The following CCDC97 variants were observed in gnomAD, a reference collection of about 807,000 sequenced individuals.
CCDC97 encodes the protein coiled-coil domain-containing protein 97.
Under a neutral mutation model 33.9 loss-of-function variants are expected in CCDC97, and 27 were observed. The observed-to-expected ratio is 0.80, with a 90% confidence interval of 0.59 to 1.10. CCDC97 has a LOEUF of 1.10. CCDC97 is among the 50% of genes least tolerant of loss of function. The pLI is 0.00. For missense variants in CCDC97, 422 were observed against 476.6 expected (o/e 0.89, Z 1.07); for synonymous variants, 217 against 194.0 (o/e 1.12, Z -0.99).
At chr19:41,320,211 T>G in intron 3 of CCDC97, 130 bp from the exon 4 acceptor site, 2 of 1,202,042 alleles carry the variant, frequency 1.7e-6, no homozygotes, top group Non-Finnish European at 2.4e-6. Context: ...GGGCCATCTC[T>G]GTCACTAGTG....
Position 41,316,743 on chromosome 19 carries a change from T to C in CCDC97, c.406T>C (p.Cys136Arg). 1 of 1,613,506 alleles carries C rather than the reference T, an allele frequency of 6.2e-7. No homozygotes were observed. The highest frequency in any genetic ancestry group is 8.5e-7 in the Non-Finnish European group (1 of 1,179,684). The change falls in exon 2 of 5, where the codon TGT (cysteine) becomes CGT (arginine). Residue 136 changes from cysteine (C) to arginine (R), a missense_variant. Physicochemically the swap from Cys to Arg is radical, Grantham distance 180 (BLOSUM62 -3). Coordinates refer to ENST00000269967, the MANE Select transcript of CCDC97 (RefSeq NM_052848.3). ...TGGCGACCACCGTGCAGACTTCTAC[T>C]GTGCTGAGGTGGCCCGGCAGGGCAC... The part of the protein sequence containing the change: ...VRGDHRADFY[C>R]AEVARQGTAR...
intron 2 of CCDC97, among the ~76,000 whole-genome samples, chr19:41,317,497 T>C (rs567832637): frequency 1.1e-3 from 159 of 149,882 alleles, no homozygotes; most frequent in African/African-American, 3.7e-3. Flanking sequence ...TCAAGGTGGG[T>C]AGATTACTTG....
chr19:41,313,134 G>A (rs1410082395), intron 1 of CCDC97, among the ~76,000 whole-genome samples: 3 of 152,032 alleles, frequency 2.0e-5, no homozygotes, highest in Non-Finnish European at 4.4e-5. Flanking sequence ...CTTTTGCACA[G>A]CCAGTTTTTA....
intron 4 of CCDC97, chr19:41,320,700 G>C (rs1007557063): frequency 3.8e-6 from 2 of 520,748 alleles, no homozygotes; most frequent in African/African-American, 3.9e-5. Context: ...GGGATGGACA[G>C]GGATGACATA....
intron 3 of CCDC97, 74 bp from the exon 4 acceptor site, chr19:41,320,267 C>A: frequency 6.3e-7 from 1 of 1,577,518 alleles, no homozygotes; most frequent in South Asian, 1.1e-5. Flanking sequence ...GGAGCAGCAG[C>A]TCTCTGTGGA....
At chr19:41,313,872 G>A (rs1453670203) in intron 1 of CCDC97, among the ~76,000 whole-genome samples, 1 of 152,026 alleles carries the variant, frequency 6.6e-6, no homozygotes, top group African/African-American at 2.4e-5. Flanking sequence ...GCTGATTTTT[G>A]TATTTTTAAT....
chr19:41,313,533 A>G (rs1409170455), intron 1 of CCDC97, among the ~76,000 whole-genome samples: 2 of 152,104 alleles, frequency 1.3e-5, no homozygotes, highest in African/African-American at 4.8e-5. Context: ...CCTGATACAC[A>G]CAACACATGT....
chr19:41,311,751 T>G (rs540696963), intron 1 of CCDC97, among the ~76,000 whole-genome samples: 2 of 151,486 alleles, frequency 1.3e-5, no homozygotes, highest in African/African-American at 4.8e-5. Flanking sequence ...AAAAAAAAAT[T>G]AGCCAGGTTT....
In CCDC97 at chr19:41,320,357, G is replaced by A; in HGVS notation, c.798G>A (p.Lys266=). 1.9e-6 allele frequency: 3 copies of A among 1,614,092 alleles called. No homozygotes were observed. Among genetic ancestry groups the A allele is most frequent in the South Asian group, 1.1e-5 (1 of 91,076 alleles). Reference sequence around the variant, plus strand: ...CCTCTGCAGACCAGAGGTCAGGCAAGGACTCGGAGGCCTGGGTTCCCGACT... The same window carrying A: ...CCTCTGCAGACCAGAGGTCAGGCAAAGACTCGGAGGCCTGGGTTCCCGACT... The part of the protein sequence containing the change: ...DSDEEDQRSG[K]DSEAWVPDSE... The change falls in exon 4 of 5, where the codon AAG becomes AAA. Residue 266 remains lysine, a synonymous_variant. Coordinates refer to ENST00000269967, the MANE Select transcript of CCDC97 (RefSeq NM_052848.3).
intron 1 of CCDC97, among the ~76,000 whole-genome samples, chr19:41,311,546 A>G (rs1325367737): frequency 6.6e-6 from 1 of 152,124 alleles, no homozygotes; most frequent in African/African-American, 2.4e-5. Flanking sequence ...CAGCCTAGCC[A>G]ACATAGCGAA....
rs141518052 is a variant in CCDC97 at position 41,316,982 on chromosome 19, A to G, written c.502+143A>G. On this transcript the variant is annotated intron_variant, in intron 2 of 4. Coordinates refer to ENST00000269967, the MANE Select transcript of CCDC97 (RefSeq NM_052848.3). ...GAGACAGAGACAGGGACACAGGAAG[A>G]GACTGAGACAGAAATGTAAAGTAAG... The G allele has an allele frequency of 2.6e-3, 1,736 of 658,972 alleles. 7 individuals carry two copies. The highest frequency in any genetic ancestry group is 3.9e-3 in the Non-Finnish European group (1,536 of 391,456). 40.8% of individuals were successfully genotyped at this position (658,972 alleles called of 1,614,324 possible).
chr19:41,313,920 G>A (rs887756449), intron 1 of CCDC97, among the ~76,000 whole-genome samples: 6 of 152,078 alleles, frequency 3.9e-5, no homozygotes, highest in African/African-American at 1.4e-4. Flanking sequence ...GGCTGGTCTT[G>A]AATTTGTGGC....
At chr19:41,313,138 G>GT (rs2037706456) in intron 1 of CCDC97, among the ~76,000 whole-genome samples, 2 of 152,060 alleles carry the variant, frequency 1.3e-5, no homozygotes, top group South Asian at 4.2e-4. Flanking sequence ...TGCACAGCCA[G>GT]TTTTTAGCTT....
At chr19:41,313,341 T>C (rs996148197) in intron 1 of CCDC97, among the ~76,000 whole-genome samples, 2 of 152,172 alleles carry the variant, frequency 1.3e-5, no homozygotes, top group African/African-American at 2.4e-5. Context: ...TGGAGGCCCG[T>C]GTAGCAGCAG....
chr19:41,318,776 CGA>C (rs931794213), intron 2 of CCDC97, among the ~76,000 whole-genome samples: 5 of 152,112 alleles, frequency 3.3e-5, no homozygotes, highest in African/African-American at 7.2e-5. Flanking sequence ...GAGGAGCACT[CGA>C]GAGAGGATGG....
At position 41,323,291 on chromosome 19, in the gene CCDC97, T is replaced by G. The variant is rs2037845450; in HGVS notation, c.*576T>G. 1 of 154,442 alleles carries G rather than the reference T, an allele frequency of 6.5e-6. No homozygotes were observed. Among genetic ancestry groups the G allele is most frequent in the South Asian group, 2.0e-4 (1 of 5,118 alleles). The allele number at this position is 154,442 out of a possible 1,614,324, so 9.6% of individuals were successfully genotyped here. A position where few individuals can be genotyped will look rare whatever the true frequency, so the allele number is the denominator to read the frequency against. On this transcript the variant is annotated 3_prime_UTR_variant, in exon 5 of 5. Coordinates refer to ENST00000269967, the MANE Select transcript of CCDC97 (RefSeq NM_052848.3). ...TCTGTTAGGTTCCCATCTCTCCTTC[T>G]GCCTCACTCTGGGCCTCTTCTTTCT...
intron 2 of CCDC97, among the ~76,000 whole-genome samples, chr19:41,319,199 GCATGAATA>G (rs1365774388): frequency 3.3e-5 from 5 of 152,364 alleles, no homozygotes; most frequent in Admixed American, 2.6e-4. Flanking sequence ...ATGCTTGGAT[GCATGAATA>G]CATGAATACA....
Position 41,310,347 on chromosome 19 carries a change from C to G in CCDC97, c.37C>G (p.Pro13Ala), listed in dbSNP as rs2037666855. The G allele has an allele frequency of 6.2e-7, 1 of 1,606,096 alleles. No homozygotes were observed. Among genetic ancestry groups the G allele is most frequent in the African/African-American group, 1.3e-5 (1 of 74,818 alleles). ...AVATATAAKE[P>A]DKGCIEPGPG... ...GGCGACGGCGACGGCGGCGAAGGAA[C>G]CCGATAAGGGTGAGATCTTGGTCAC... is the stretch of plus-strand genomic sequence containing the variant. The change falls in exon 1 of 5, where the codon CCC becomes GCC. Residue 13 changes from proline (P) to alanine (A), a missense_variant. Physicochemically the swap from Pro to Ala is conservative, Grantham distance 27. Coordinates refer to ENST00000269967, the MANE Select transcript of CCDC97 (RefSeq NM_052848.3).
rs2037840278 is a variant in CCDC97, at chr19:41,322,931, C to T, written c.*216C>T. On this transcript the variant is annotated 3_prime_UTR_variant, in exon 5 of 5. Transcript: ENST00000269967. ...CTCATCTCTCCCACCCTGTCTCCTGCCTCTGTCTTTCTTGGTGTCTGTCTG... is the reference window on the plus strand; with the variant it reads ...CTCATCTCTCCCACCCTGTCTCCTGTCTCTGTCTTTCTTGGTGTCTGTCTG... 4.8e-6 allele frequency: 2 copies of T among 417,254 alleles called. No individual in the cohort carries two copies. Among genetic ancestry groups the T allele is most frequent in the Non-Finnish European group, 8.6e-6 (2 of 231,342 alleles). The allele number at this position is 417,254 out of a possible 1,614,324, so 25.8% of individuals were successfully genotyped here.
Sources: gnomAD v4.1 joint callset for allele counts (sites outside exome capture counted in the v4.1 genomes callset) on GRCh38, gnomAD v4.1.1 for gene constraint, MANE v1.5 for transcripts, NCBI Gene and HGNC (gene_info 2026-07-23, HGNC 2026-07-21) for gene names.